The following SMOC1 variants were observed in gnomAD, a reference collection of about 807,000 sequenced individuals.
SMOC1 encodes SPARC related modular calcium binding 1.
A neutral mutation model predicts 56.3 loss-of-function variants in SMOC1; 22 were observed. The ratio of observed to expected loss-of-function variants is 0.39; its 90% confidence interval spans 0.28 to 0.56. The LOEUF (loss-of-function observed/expected upper bound fraction) is 0.56, where lower values mean the gene tolerates loss of function less well. SMOC1 is among the 20% of genes least tolerant of loss of function. The pLI is 0.61. For synonymous variants in SMOC1, 193 were observed against 215.0 expected, an observed-to-expected ratio of 0.90 and a Z score of 0.89; for missense variants, 509 against 565.4, an observed-to-expected ratio of 0.90 and a Z score of 1.01.
chr14:69,957,736 G>C (rs1903200), intron 3 of SMOC1, among the ~76,000 whole-genome samples: 75,109 of 152,040 alleles, frequency 0.49, 19,823 homozygotes, highest in African/African-American at 0.68. Flanking sequence ...CAATGATTAA[G>C]AAATGGCCAG....
chr14:69,879,693 C>G lies in SMOC1; in HGVS notation c.15C>G (p.Arg5=). The G allele has an allele frequency of 6.4e-7, 1 of 1,569,376 alleles. No individual in the cohort carries two copies. The change falls in exon 1 of 12, where the codon CGC becomes CGG. Residue 5 remains arginine, a synonymous_variant. Coordinates refer to ENST00000361956, the MANE Select transcript of SMOC1 (RefSeq NM_001034852.3). ...TGGCTGGCACCATGCTGCCCGCGCGCTGCGCCCGCCTGCTCACGCCCCACT... is the reference window on the plus strand; with the variant it reads ...TGGCTGGCACCATGCTGCCCGCGCGGTGCGCCCGCCTGCTCACGCCCCACT... MLPA[R]CARLLTPHLL...
chr14:69,935,564 G>T (rs1885274598), intron 1 of SMOC1, among the ~76,000 whole-genome samples: 1 of 152,234 alleles, frequency 6.6e-6, no homozygotes, highest in African/African-American at 2.4e-5. Context: ...CTTTAGAGTT[G>T]ATGTGTTTTT....
intron 10 of SMOC1, among the ~76,000 whole-genome samples, chr14:70,020,811 C>G (rs1488908906): frequency 6.6e-6 from 1 of 152,150 alleles, no homozygotes; most frequent in East Asian, 1.9e-4. Flanking sequence ...ATGATGGTCA[C>G]TCTCAGGCAT....
At chr14:69,965,159 C>T (rs890596427) in intron 3 of SMOC1, among the ~76,000 whole-genome samples, 9 of 152,056 alleles carry the variant, frequency 5.9e-5, no homozygotes, top group African/African-American at 1.9e-4. Flanking sequence ...GGGTGAATCA[C>T]CTGAGGTCAG....
At chr14:70,009,101 G>C (rs139351636) in intron 7 of SMOC1, among the ~76,000 whole-genome samples, 1 of 152,146 alleles carries the variant, frequency 6.6e-6, no homozygotes. Flanking sequence ...AGGAGACTCT[G>C]TTTAGCTTTT....
intron 1 of SMOC1, among the ~76,000 whole-genome samples, chr14:69,909,425 T>C (rs1156264014): frequency 6.6e-6 from 1 of 152,214 alleles, no homozygotes; most frequent in Non-Finnish European, 1.5e-5. Context: ...TCTGATGGAC[T>C]TCACTTTGAG....
intron 3 of SMOC1, among the ~76,000 whole-genome samples, chr14:69,969,210 G>T (rs1206713176): frequency 1.3e-5 from 2 of 152,146 alleles, no homozygotes; most frequent in Admixed American, 1.3e-4. Context: ...CCTGTCCAAT[G>T]CTCCCTGTGT....
At chr14:69,943,339 C>A (rs1479266198) in intron 1 of SMOC1, among the ~76,000 whole-genome samples, 1 of 152,194 alleles carries the variant, frequency 6.6e-6, no homozygotes, top group African/African-American at 2.4e-5. Flanking sequence ...CCCTCTGAAG[C>A]CAGCAGGTCG....
intron 10 of SMOC1, among the ~76,000 whole-genome samples, chr14:70,022,735 C>T (rs1885774951): frequency 6.6e-6 from 1 of 152,204 alleles, no homozygotes; most frequent in Admixed American, 6.5e-5. Context: ...CCTCCAGGGC[C>T]CAGACTGGCA....
intron 1 of SMOC1, among the ~76,000 whole-genome samples, chr14:69,910,620 A>C (rs1884532776): frequency 1.3e-5 from 2 of 152,072 alleles, no homozygotes; most frequent in Non-Finnish European, 2.9e-5. Flanking sequence ...TTGGTTGACA[A>C]AAATGCCTCT....
rs61382738 is a variant in SMOC1, at chr14:70,011,344, C to T, written c.858-141C>T. The T allele has an allele frequency of 2.2e-3, 1,730 of 775,744 alleles. 18 individuals carry two copies. The African/African-American group carries it at 0.025, about 11-fold the overall frequency. The allele number at this position is 775,744 out of a possible 1,614,324, so 48.1% of individuals were successfully genotyped here. On this transcript the variant is annotated intron_variant, in intron 8 of 11. Transcript: ENST00000361956. ...GATGCTAAGATTGCCTTGTAGCTGC[C>T]GGGCAGCGCAAGAGATATCGTTCTG...
At chr14:69,999,802 C>T (rs1371347593) in intron 7 of SMOC1, among the ~76,000 whole-genome samples, 1 of 152,100 alleles carries the variant, frequency 6.6e-6, no homozygotes, top group Non-Finnish European at 1.5e-5. Flanking sequence ...CCATTTTTAC[C>T]TTGTTTTAAA....
intron 1 of SMOC1, among the ~76,000 whole-genome samples, chr14:69,923,500 A>G (rs1017825820): frequency 6.6e-6 from 1 of 151,874 alleles, no homozygotes; most frequent in African/African-American, 2.4e-5. Flanking sequence ...TTTCTTCTCA[A>G]TCTCCTCTAC....
intron 6 of SMOC1, 37 bp downstream of exon 6, chr14:69,992,510 A>C (rs532301108): frequency 1.3e-6 from 2 of 1,482,156 alleles, no homozygotes; most frequent in Admixed American, 1.7e-5. Flanking sequence ...TCATTCTCCC[A>C]CTCATTTTCA....
intron 1 of SMOC1, among the ~76,000 whole-genome samples, chr14:69,925,418 C>T (rs1162346482): frequency 6.6e-6 from 1 of 151,986 alleles, no homozygotes; most frequent in Non-Finnish European, 1.5e-5. Context: ...CCAAGGTTGA[C>T]ATTCAAGTGT....
intron 1 of SMOC1, among the ~76,000 whole-genome samples, chr14:69,892,079 T>A (rs1313744302): frequency 4.6e-5 from 7 of 152,218 alleles, no homozygotes. Context: ...GTATGTTATA[T>A]GAAAGGACGA....
At chr14:69,984,107 G>T (rs562201799) in intron 5 of SMOC1, among the ~76,000 whole-genome samples, 2 of 152,200 alleles carry the variant, frequency 1.3e-5, no homozygotes, top group African/African-American at 4.8e-5. Context: ...AGATAGTGTG[G>T]TATTTGTGGA....
chr14:69,902,093 T>G (rs2032757491), intron 1 of SMOC1, among the ~76,000 whole-genome samples: 2 of 152,242 alleles, frequency 1.3e-5, no homozygotes, highest in Non-Finnish European at 2.9e-5. Flanking sequence ...ATGTGACTTA[T>G]GCTGGACCAG....
chr14:69,943,885 C>G (rs1882677804), intron 1 of SMOC1, among the ~76,000 whole-genome samples: 1 of 152,242 alleles, frequency 6.6e-6, no homozygotes, highest in African/African-American at 2.4e-5. Flanking sequence ...GAGCTGACAG[C>G]AAAGCCCTTT....
Sources: gnomAD v4.1 joint callset for allele counts (sites outside exome capture counted in the v4.1 genomes callset) on GRCh38, gnomAD v4.1.1 for gene constraint, MANE v1.5 for transcripts, NCBI Gene and HGNC (gene_info 2026-07-23, HGNC 2026-07-21) for gene names.